Variants in ESF1 observed in about 807,000 individuals in gnomAD.
ESF1 encodes the protein ESF1 homolog.
ESF1 carries 58 observed loss-of-function variants against 92.0 expected under a neutral mutation model. The observed-to-expected ratio is 0.63, with a 90% CI of 0.51 to 0.78. The LOEUF (loss-of-function observed/expected upper bound fraction) is 0.78, where lower values mean the gene tolerates loss of function less well. ESF1 is among the 30% of genes least tolerant of loss of function. ESF1 has a pLI of 0.00. For synonymous variants in ESF1, 321 were observed against 313.7 expected (o/e 1.02, Z -0.24); for missense variants, 922 against 989.1 (o/e 0.93, Z 0.91).
intron 9 of ESF1, among the ~76,000 whole-genome samples, chr20:13,758,404 GGGT>G (rs1470551829): frequency 1.3e-5 from 2 of 152,096 alleles, no homozygotes; most frequent in Non-Finnish European, 2.9e-5. Context: ...TAAAACAAAT[GGGT>G]TGCAACACAG....
chr20:13,737,879 C>T (rs1239158537), intron 9 of ESF1, among the ~76,000 whole-genome samples: 1 of 152,200 alleles, frequency 6.6e-6, no homozygotes, highest in Non-Finnish European at 1.5e-5. Context: ...TGGTCTTGAA[C>T]TCCTGACCTC....
chr20:13,730,240 T>G (rs2049932296), intron 10 of ESF1, among the ~76,000 whole-genome samples: 1 of 151,156 alleles, frequency 6.6e-6, no homozygotes, highest in East Asian at 1.9e-4. Flanking sequence ...ACCTGGCTAA[T>G]TTTTTGTATT....
chr20:13,745,837 T>G (rs1036212134), intron 9 of ESF1, among the ~76,000 whole-genome samples: 1 of 152,028 alleles, frequency 6.6e-6, no homozygotes, highest in African/African-American at 2.4e-5. Flanking sequence ...AACTACAAAA[T>G]AGACTATTAG....
At chr20:13,730,369 T>C (rs912492674) in intron 10 of ESF1, among the ~76,000 whole-genome samples, 6 of 147,328 alleles carry the variant, frequency 4.1e-5, no homozygotes, top group African/African-American at 1.5e-4. Flanking sequence ...CCAACACGCC[T>C]GGCCAAGAAC....
At chr20:13,783,295 A>G in intron 1 of ESF1, 112 bp from the exon 2 acceptor site, 1 of 873,120 alleles carries the variant, frequency 1.1e-6, no homozygotes, top group Non-Finnish European at 1.7e-6. Flanking sequence ...TTAAGTGTAC[A>G]TAAAATAGAG....
chr20:13,745,770 A>G (rs1451578318), intron 9 of ESF1, among the ~76,000 whole-genome samples: 1 of 152,130 alleles, frequency 6.6e-6, no homozygotes, highest in Non-Finnish European at 1.5e-5. Context: ...TTACTTTTTA[A>G]AAAGGCAAAT....
At chr20:13,776,761 T>C (rs1196159513) in intron 2 of ESF1, among the ~76,000 whole-genome samples, 1 of 152,218 alleles carries the variant, frequency 6.6e-6, no homozygotes, top group African/African-American at 2.4e-5. Flanking sequence ...AAGTGAGTGA[T>C]AACTGAGCTG....
chr20:13,773,955 C>A (rs1458097978), intron 4 of ESF1, among the ~76,000 whole-genome samples: 1 of 151,842 alleles, frequency 6.6e-6, no homozygotes, highest in East Asian at 1.9e-4. Context: ...ATTAGCCGGG[C>A]GTGGTGGTGG....
At chr20:13,774,357 C>T (rs927959892) in intron 4 of ESF1, among the ~76,000 whole-genome samples, 6 of 152,128 alleles carry the variant, frequency 3.9e-5, no homozygotes, top group South Asian at 2.1e-4. Flanking sequence ...TTTGGAATTG[C>T]GATGCTCATC....
At chr20:13,777,492 C>CA (rs1281914219) in intron 2 of ESF1, among the ~76,000 whole-genome samples, 2 of 152,154 alleles carry the variant, frequency 1.3e-5, no homozygotes, top group African/African-American at 4.8e-5. Flanking sequence ...GTGTACAGCT[C>CA]AGAGAAGTCT....
At chr20:13,762,693 A>G (rs1454990952) in intron 8 of ESF1, among the ~76,000 whole-genome samples, 2 of 152,170 alleles carry the variant, frequency 1.3e-5, no homozygotes, top group African/African-American at 4.8e-5. Context: ...AACAATAACC[A>G]GAAATATTCA....
intron 13 of ESF1, among the ~76,000 whole-genome samples, chr20:13,716,642 CTT>C (rs1274212917): frequency 2.3e-4 from 31 of 132,854 alleles, no homozygotes; most frequent in Non-Finnish European, 2.3e-4. Context: ...CTTTTTTTTT[CTT>C]TTTTTTTTTT....
intron 11 of ESF1, among the ~76,000 whole-genome samples, chr20:13,726,499 T>C (rs1036197816): frequency 6.6e-6 from 1 of 152,216 alleles, no homozygotes; most frequent in Non-Finnish European, 1.5e-5. Flanking sequence ...TCAGCTCTAA[T>C]GCCATCATCT....
At chr20:13,775,503 C>T (rs1979890185) in intron 3 of ESF1, among the ~76,000 whole-genome samples, 1 of 152,124 alleles carries the variant, frequency 6.6e-6, no homozygotes, top group South Asian at 2.1e-4. Flanking sequence ...TAAATCAGAA[C>T]ATGATCATGA....
At chr20:13,767,151 A>G (rs762395064) in intron 7 of ESF1, among the ~76,000 whole-genome samples, 2 of 152,200 alleles carry the variant, frequency 1.3e-5, no homozygotes, top group African/African-American at 2.4e-5. Context: ...TCTACAGGAT[A>G]CTCCATCACT....
At chr20:13,736,284 T>G (rs946176654) in intron 9 of ESF1, among the ~76,000 whole-genome samples, 1 of 152,140 alleles carries the variant, frequency 6.6e-6, no homozygotes, top group African/African-American at 2.4e-5. Flanking sequence ...ATAAAAAATG[T>G]CTCCAGACAT....
intron 10 of ESF1, 133 bp downstream of exon 10, chr20:13,733,588 C>T: frequency 2.1e-6 from 2 of 947,564 alleles, no homozygotes; most frequent in Non-Finnish European, 3.0e-6. Context: ...TTTCCTCTTT[C>T]TTAAAATTGG....
chr20:13,748,427 CACAT>C, intron 9 of ESF1, among the ~76,000 whole-genome samples: 1 of 146,668 alleles, frequency 6.8e-6, no homozygotes, highest in African/African-American at 2.5e-5. Flanking sequence ...TATACATATA[CACAT>C]ATATATACAC....
intron 9 of ESF1, among the ~76,000 whole-genome samples, chr20:13,734,946 T>A (rs1218480844): frequency 6.6e-6 from 1 of 152,108 alleles, no homozygotes; most frequent in African/African-American, 2.4e-5. Flanking sequence ...AAATTTTGAA[T>A]TCCTGGTCAT....
Sources: allele counts gnomAD v4.1 joint callset (sites outside exome capture counted in the v4.1 genomes callset), GRCh38; gene constraint gnomAD v4.1.1; transcripts MANE v1.5; gene names NCBI Gene and HGNC (gene_info 2026-07-23, HGNC 2026-07-21).